The following SOX5 variants were observed in gnomAD, a reference collection of about 807,000 sequenced individuals.
The protein encoded by SOX5 is SRY-box transcription factor 5.
Under a neutral mutation model 92.0 loss-of-function variants are expected in SOX5, and 9 were observed. The ratio of observed to expected loss-of-function variants is 0.10; its 90% CI spans 0.06 to 0.17. The LOEUF (loss-of-function observed/expected upper bound fraction) is 0.17, where lower values mean the gene tolerates loss of function less well. SOX5 is among the 10% of genes least tolerant of loss of function. SOX5 has a pLI of 1.00. For synonymous variants in SOX5, 344 were observed against 336.3 expected (o/e 1.02, Z -0.25); for missense variants, 642 against 944.5 (o/e 0.68, Z 4.20).
intron 3 of SOX5, among the ~76,000 whole-genome samples, chr12:24,232,143 T>C (rs1594593537): frequency 6.6e-6 from 1 of 152,188 alleles, no homozygotes; most frequent in African/African-American, 2.4e-5. Context: ...TGGTATCTTG[T>C]GAGCAGGCTT....
At chr12:23,971,958 A>C (rs1238992143) in intron 4 of SOX5, among the ~76,000 whole-genome samples, 1 of 152,258 alleles carries the variant, frequency 6.6e-6, no homozygotes, top group Admixed American at 6.5e-5. Context: ...ATTTATAAAA[A>C]GAGTAAAATT....
intron 4 of SOX5, among the ~76,000 whole-genome samples, chr12:24,156,219 G>A (rs1378439211): frequency 6.6e-6 from 1 of 152,122 alleles, no homozygotes; most frequent in Non-Finnish European, 1.5e-5. Flanking sequence ...CAGTGCCCTT[G>A]CCTGAGATGA....
intron 4 of SOX5, among the ~76,000 whole-genome samples, chr12:24,169,944 G>C (rs1319066944): frequency 6.6e-6 from 1 of 152,174 alleles, no homozygotes; most frequent in Admixed American, 6.5e-5. Flanking sequence ...AATTCGTTAG[G>C]TGTATTGTTG....
chr12:23,915,704 T>A (rs1239266868), intron 1 of SOX5, among the ~76,000 whole-genome samples: 1 of 152,106 alleles, frequency 6.6e-6, no homozygotes, highest in Non-Finnish European at 1.5e-5. Context: ...ATAACATAGA[T>A]AAAAGAAATT....
chr12:23,834,335 G>A (rs1252533390), intron 3 of SOX5, among the ~76,000 whole-genome samples: 1 of 151,950 alleles, frequency 6.6e-6, no homozygotes, highest in East Asian at 1.9e-4. Flanking sequence ...ATAGGGTAGA[G>A]TCAGATTACA....
chr12:23,917,775 T>C (rs2097433081), intron 1 of SOX5, among the ~76,000 whole-genome samples: 1 of 152,194 alleles, frequency 6.6e-6, no homozygotes, highest in Non-Finnish European at 1.5e-5. Context: ...TTTACTCTTA[T>C]TTTTGAAAAG....
chr12:24,095,928 A>C (rs985960672), intron 4 of SOX5, among the ~76,000 whole-genome samples: 1 of 152,178 alleles, frequency 6.6e-6, no homozygotes, highest in Non-Finnish European at 1.5e-5. Context: ...CTACGAGTCA[A>C]TTAAACTTCT....
intron 11 of SOX5, among the ~76,000 whole-genome samples, chr12:23,551,015 A>G (rs1944098897): frequency 6.6e-6 from 1 of 151,992 alleles, no homozygotes; most frequent in South Asian, 2.1e-4. Flanking sequence ...CACCAGACAC[A>G]CATACACAAA....
intron 3 of SOX5, among the ~76,000 whole-genome samples, chr12:24,215,974 G>A (rs943939345): frequency 1.4e-4 from 22 of 152,194 alleles, no homozygotes; most frequent in Non-Finnish European, 3.1e-4. Context: ...GTTGATTTTT[G>A]ATAAGGTTGC....
At chr12:23,654,223 TA>T in intron 7 of SOX5, among the ~76,000 whole-genome samples, 1 of 152,198 alleles carries the variant, frequency 6.6e-6, no homozygotes, top group East Asian at 1.9e-4. Flanking sequence ...AGAAGGTAGT[TA>T]AAGAATAAAA....
chr12:24,253,182 C>G (rs1940487629), intron 3 of SOX5, among the ~76,000 whole-genome samples: 1 of 151,802 alleles, frequency 6.6e-6, no homozygotes, highest in Non-Finnish European at 1.5e-5. Context: ...CCAAGCTGCT[C>G]AGACATAAAC....
At chr12:24,007,814 CACACACACATAT>C (rs758277321) in intron 4 of SOX5, among the ~76,000 whole-genome samples, 1 of 89,020 alleles carries the variant, frequency 1.1e-5, no homozygotes, top group Non-Finnish European at 2.6e-5. Context: ...CACACACACA[CACACACACATAT>C]ATATATATAT....
intron 1 of SOX5, among the ~76,000 whole-genome samples, chr12:24,469,744 A>G (rs950138851): frequency 6.6e-6 from 1 of 152,204 alleles, no homozygotes; most frequent in African/African-American, 2.4e-5. Context: ...ACTAAGCTTT[A>G]AATTACCATA....
At chr12:23,635,729 T>C (rs1054688915) in intron 8 of SOX5, among the ~76,000 whole-genome samples, 5 of 151,016 alleles carry the variant, frequency 3.3e-5, no homozygotes, top group East Asian at 2.0e-4. Flanking sequence ...TAGTGGAGAG[T>C]GCATTGAAAG....
intron 1 of SOX5, among the ~76,000 whole-genome samples, chr12:24,424,893 A>C (rs1966522160): frequency 6.6e-6 from 1 of 151,500 alleles, no homozygotes; most frequent in Non-Finnish European, 1.5e-5. Flanking sequence ...GACAGCTGAC[A>C]TACTGGGGAG....
chr12:24,284,421 G>T (rs113224683), intron 2 of SOX5, among the ~76,000 whole-genome samples: 9 of 123,762 alleles, frequency 7.3e-5, no homozygotes, highest in African/African-American at 1.9e-4. Flanking sequence ...GGAGGCACAC[G>T]TTTTTTTTCT....
At chr12:24,505,852 T>TGCGCGTGTGTGTGTGTGTGTGCGC in intron 1 of SOX5, among the ~76,000 whole-genome samples, 1 of 146,328 alleles carries the variant, frequency 6.8e-6, no homozygotes, top group South Asian at 2.2e-4. Flanking sequence ...TGTGTGTGTG[T>TGCGCGTGTGTGTGTGTGTGTGCGC]GCGTGTGTGT....
intron 4 of SOX5, among the ~76,000 whole-genome samples, chr12:23,972,062 T>A (rs1242135314): frequency 6.6e-6 from 1 of 152,184 alleles, no homozygotes; most frequent in East Asian, 1.9e-4. Flanking sequence ...TTATATAGCA[T>A]CACAGAACAC....
At chr12:23,657,329 A>G (rs1007996017) in intron 7 of SOX5, among the ~76,000 whole-genome samples, 6 of 152,190 alleles carry the variant, frequency 3.9e-5, no homozygotes, top group African/African-American at 4.8e-5. Flanking sequence ...GGCCTTTTAC[A>G]GCAGCTAAAC....
Sources: allele counts gnomAD v4.1 joint callset (sites outside exome capture counted in the v4.1 genomes callset), GRCh38; gene constraint gnomAD v4.1.1; transcripts MANE v1.5; gene names NCBI Gene and HGNC (gene_info 2026-07-23, HGNC 2026-07-21).